ARHGAP24: variants seen among roughly 807,000 people sequenced by gnomAD.
ARHGAP24 encodes the protein rho GTPase-activating protein 24.
A neutral mutation model predicts 76.4 loss-of-function variants in ARHGAP24; 50 were observed. The ratio of observed to expected loss-of-function variants is 0.65; its 90% confidence interval spans 0.52 to 0.83. ARHGAP24 has a LOEUF of 0.83. Among genes scored for constraint, ARHGAP24 ranks in the 40% least tolerant of loss-of-function variants. The pLI is 0.00. For missense variants in ARHGAP24, 930 were observed against 914.2 expected, an observed-to-expected ratio of 1.02 and a Z score of -0.22; for synonymous variants, 345 against 323.3, an observed-to-expected ratio of 1.07 and a Z score of -0.72.
At chr4:85,765,326 G>A (rs1308314418) in intron 3 of ARHGAP24, among the ~76,000 whole-genome samples, 2 of 152,020 alleles carry the variant, frequency 1.3e-5, no homozygotes, top group Admixed American at 6.6e-5. Context: ...GCATTAAAAC[G>A]TTTTTGTTTT....
intron 2 of ARHGAP24, among the ~76,000 whole-genome samples, chr4:85,710,195 T>G (rs1473711110): frequency 1.3e-5 from 2 of 151,800 alleles, no homozygotes; most frequent in Non-Finnish European, 2.9e-5. Flanking sequence ...AACCCAGAAA[T>G]AAGGTCGCAC....
At chr4:85,479,380 C>T (rs1431280444) in intron 1 of ARHGAP24, among the ~76,000 whole-genome samples, 1 of 152,188 alleles carries the variant, frequency 6.6e-6, no homozygotes, top group Non-Finnish European at 1.5e-5. Flanking sequence ...ACATTTTCCA[C>T]AACTGTGTTT....
At chr4:85,773,797 A>G (rs767981546) in intron 3 of ARHGAP24, among the ~76,000 whole-genome samples, 165 of 152,312 alleles carry the variant, frequency 1.1e-3, no homozygotes, top group African/African-American at 3.8e-3. Flanking sequence ...AAGAAATATT[A>G]TCATCAATGA....
At chr4:85,685,035 A>G (rs1244779745) in intron 2 of ARHGAP24, among the ~76,000 whole-genome samples, 1 of 152,172 alleles carries the variant, frequency 6.6e-6, no homozygotes, top group African/African-American at 2.4e-5. Context: ...GAATAAGATA[A>G]TGGTTTCATT....
chr4:85,710,297 C>T (rs1354262583), intron 2 of ARHGAP24, among the ~76,000 whole-genome samples: 5 of 152,116 alleles, frequency 3.3e-5, no homozygotes, highest in African/African-American at 1.2e-4. Context: ...AACTGGCTAG[C>T]CATATGCAGG....
At chr4:85,487,427 AAT>A (rs1235198930) in intron 1 of ARHGAP24, among the ~76,000 whole-genome samples, 2 of 101,114 alleles carry the variant, frequency 2.0e-5, no homozygotes, top group African/African-American at 7.8e-5. Context: ...ATATTATATA[AAT>A]ATATAAATAT....
chr4:85,835,623 T>C (rs553382809), intron 3 of ARHGAP24, among the ~76,000 whole-genome samples: 2 of 152,086 alleles, frequency 1.3e-5, no homozygotes, highest in South Asian at 4.2e-4. Context: ...AAGCAATTTG[T>C]ACGGCTGCTA....
intron 8 of ARHGAP24, among the ~76,000 whole-genome samples, chr4:85,985,543 T>A (rs891189301): frequency 1.3e-5 from 2 of 152,168 alleles, no homozygotes; most frequent in Admixed American, 6.5e-5. Context: ...GCTTCATACC[T>A]GGACAATGAA....
rs1446283277 is a variant in ARHGAP24 at position 85,570,538 on chromosome 4, G to C, written c.-4G>C. On this transcript the variant is annotated 5_prime_UTR_variant, in exon 2 of 10. Transcript: ENST00000395184. Reference sequence around the variant, plus strand: ...GCTAACTAGGAAAGTCCATCAGCTTGATAATGGAGGAGAACAATGACTCCA... The same window carrying C: ...GCTAACTAGGAAAGTCCATCAGCTTCATAATGGAGGAGAACAATGACTCCA... The C allele has an allele frequency of 6.2e-7, 1 of 1,613,196 alleles. No homozygotes were observed. Among genetic ancestry groups the C allele is most frequent in the East Asian group, 2.2e-5 (1 of 44,824 alleles).
chr4:85,514,816 G>GAAAA (rs1724423973), intron 1 of ARHGAP24, among the ~76,000 whole-genome samples: 1 of 29,800 alleles, frequency 3.4e-5, no homozygotes, highest in South Asian at 1.3e-3. Flanking sequence ...ACTCTAAATT[G>GAAAA]TAAAAAAAAA....
At chr4:85,913,499 C>T (rs1195162471) in intron 3 of ARHGAP24, among the ~76,000 whole-genome samples, 1 of 151,892 alleles carries the variant, frequency 6.6e-6, no homozygotes, top group African/African-American at 2.4e-5. Context: ...TTTTCTTCAC[C>T]ATAGCTACAG....
chr4:85,732,303 G>A (rs1453922542), intron 3 of ARHGAP24, among the ~76,000 whole-genome samples: 1 of 152,138 alleles, frequency 6.6e-6, no homozygotes, highest in Non-Finnish European at 1.5e-5. Context: ...ATGAGAAAGG[G>A]GAATCATACT....
chr4:85,556,620 G>A (rs1046954668), intron 1 of ARHGAP24, among the ~76,000 whole-genome samples: 2 of 152,192 alleles, frequency 1.3e-5, no homozygotes, highest in Non-Finnish European at 2.9e-5. Context: ...GTGTTCAGGT[G>A]GGGGCAGGTT....
At chr4:85,801,770 C>A (rs1263752509) in intron 3 of ARHGAP24, among the ~76,000 whole-genome samples, 1 of 152,256 alleles carries the variant, frequency 6.6e-6, no homozygotes. Context: ...CTCAGGCAGG[C>A]ATTCCTTCCC....
At chr4:85,682,164 A>G (rs1432370343) in intron 2 of ARHGAP24, among the ~76,000 whole-genome samples, 1 of 152,190 alleles carries the variant, frequency 6.6e-6, no homozygotes, top group Non-Finnish European at 1.5e-5. Flanking sequence ...AGTGTCCTCT[A>G]AGTGTTAGTA....
At chr4:85,619,399 G>A (rs979011778) in intron 2 of ARHGAP24, among the ~76,000 whole-genome samples, 1 of 151,738 alleles carries the variant, frequency 6.6e-6, no homozygotes, top group African/African-American at 2.4e-5. Flanking sequence ...TAGGTAGTAC[G>A]CTACATCTAG....
At chr4:85,831,459 G>A (rs1386067921) in intron 3 of ARHGAP24, among the ~76,000 whole-genome samples, 1 of 152,064 alleles carries the variant, frequency 6.6e-6, no homozygotes, top group Non-Finnish European at 1.5e-5. Flanking sequence ...TTTAAAGATT[G>A]GCATGCTTTA....
Position 85,772,496 on chromosome 4 carries a change from T to A in ARHGAP24, c.268+50524T>A, listed in dbSNP as rs370692476. Among the ~76,000 whole-genome samples the A allele has an allele frequency of 3.9e-5, 6 of 152,328 alleles. No homozygotes were observed. The East Asian group carries it at 9.6e-4, about 24-fold the overall frequency. On this transcript the variant is annotated intron_variant, in intron 3 of 9. Coordinates refer to ENST00000395184, the MANE Select transcript of ARHGAP24 (RefSeq NM_001025616.3). Reference sequence around the variant, plus strand: ...AGTTTTACCTCTTGCCTTCCTAGATTCATTGAAACTGAGTTAGCCTTCAAA... The same window carrying A: ...AGTTTTACCTCTTGCCTTCCTAGATACATTGAAACTGAGTTAGCCTTCAAA...
intron 2 of ARHGAP24, among the ~76,000 whole-genome samples, chr4:85,659,252 T>C (rs1360993043): frequency 6.6e-6 from 1 of 152,202 alleles, no homozygotes; most frequent in African/African-American, 2.4e-5. Flanking sequence ...GAAAGAATGA[T>C]GCTACCAGTA....
Sources: allele counts gnomAD v4.1 joint callset (sites outside exome capture counted in the v4.1 genomes callset), GRCh38; gene constraint gnomAD v4.1.1; transcripts MANE v1.5; gene names NCBI Gene and HGNC (gene_info 2026-07-23, HGNC 2026-07-21).